Variants in HMGXB3 observed in about 807,000 individuals in gnomAD.
HMGXB3 encodes the protein HMG-box containing 3.
HMGXB3 carries 45 observed loss-of-function variants against 121.5 expected under a neutral mutation model. The ratio of observed to expected loss-of-function variants is 0.37; its 90% CI spans 0.29 to 0.47. HMGXB3 has a LOEUF of 0.47. Ranked by LOEUF, HMGXB3 falls within the 20% of genes least tolerant of loss-of-function variation. The pLI, the probability that HMGXB3 is intolerant of heterozygous loss-of-function variation, is 0.99. For missense variants in HMGXB3, 1,376 were observed against 1,602.2 expected (o/e 0.86, Z 2.41); for synonymous variants, 590 against 624.1 (o/e 0.95, Z 0.81).
In HMGXB3 at chr5:150,040,864, G is replaced by T. The variant is rs1242876945; in HGVS notation, c.2530G>T (p.Val844Leu). The T allele has an allele frequency of 1.3e-6, 2 of 1,549,300 alleles. No homozygotes were observed. Among genetic ancestry groups the T allele is most frequent in the Admixed American group, 2.0e-5 (1 of 50,576 alleles). The change falls in exon 14 of 20, where the codon GTG becomes TTG. Residue 844 changes from valine (V) to leucine (L), a missense_variant. Val to Leu is a conservative substitution (Grantham distance 32). Transcript: ENST00000502717. Reference protein sequence around the residue: ...RVSINVVLKSVQEQTEKTLTS... With the variant: ...RVSINVVLKSLQEQTEKTLTS... ...GTCCATCAATGTTGTTCTGAAGTCG[G>T]TGCAGGAGCAGACAGGTAAAAGTTG...
intron 5 of HMGXB3, among the ~76,000 whole-genome samples, chr5:150,016,393 G>A (rs1581250452): frequency 6.8e-6 from 1 of 147,268 alleles, no homozygotes; most frequent in African/African-American, 2.5e-5. Flanking sequence ...TTGTAGATTT[G>A]TCTGTTTCTT....
rs1056621335 is a variant in HMGXB3, at chr5:150,052,467, G to A, written c.*275G>A. 60 of 434,380 alleles carry A rather than the reference G, an allele frequency of 1.4e-4. No homozygotes were observed. The highest frequency in any genetic ancestry group is 4.6e-5 in the Non-Finnish European group (11 of 238,872). 26.9% of individuals were successfully genotyped at this position (434,380 alleles called of 1,614,324 possible). ...TATGTTTAATGGAGGGGAGGCTGAG[G>A]GAAAGGCTCGTAGCTGGTGGGTTCC... On this transcript the variant is annotated 3_prime_UTR_variant, in exon 20 of 20. Transcript: ENST00000502717.
intron 9 of HMGXB3, among the ~76,000 whole-genome samples, chr5:150,028,578 T>C (rs1463539705): frequency 1.5e-4 from 18 of 117,850 alleles, no homozygotes; most frequent in Admixed American, 3.6e-4. Flanking sequence ...TTTTTTTTTT[T>C]CCTCCAGAAA....
chr5:150,010,007 GA>G (rs943098696), intron 3 of HMGXB3, 103 bp from the exon 4 acceptor site: 164 of 1,247,602 alleles, frequency 1.3e-4, no homozygotes, highest in South Asian at 2.1e-4. Context: ...CCTTTTGCAG[GA>G]AAAAAAAAGA....
rs1756972836 is a variant in HMGXB3, at chr5:150,052,966, A to G, written c.*774A>G. 1 of 155,296 alleles carries G rather than the reference A, an allele frequency of 6.4e-6. No homozygotes were observed. The highest frequency in any genetic ancestry group is 2.4e-5 in the African/African-American group (1 of 41,470). 9.6% of individuals were successfully genotyped at this position (155,296 alleles called of 1,614,324 possible). ...GCAGCAGTAGGAAAAACTCCCTTCT[A>G]TGAAGGGGAAGCAGACTGGGCCATA... On this transcript the variant is annotated 3_prime_UTR_variant, in exon 20 of 20. Coordinates refer to ENST00000502717, the MANE Select transcript of HMGXB3 (RefSeq NM_014983.3).
At chr5:150,046,749 T>C (rs1413163631) in intron 16 of HMGXB3, among the ~76,000 whole-genome samples, 1 of 151,704 alleles carries the variant, frequency 6.6e-6, no homozygotes, top group Admixed American at 6.6e-5. Flanking sequence ...GAGGCGGAGA[T>C]TGCAGTGAGC....
At chr5:150,012,222 C>A (rs1212170706) in intron 4 of HMGXB3, 33 bp from the exon 5 acceptor site, 19 of 1,464,626 alleles carry the variant, frequency 1.3e-5, no homozygotes, top group Non-Finnish European at 1.6e-5. Context: ...TACTCTGTTT[C>A]AGTGAAACTG....
At chr5:150,033,175 G>C (rs1397535158) in intron 11 of HMGXB3, among the ~76,000 whole-genome samples, 2 of 152,088 alleles carry the variant, frequency 1.3e-5, no homozygotes, top group Non-Finnish European at 2.9e-5. Flanking sequence ...GGAAAAATGG[G>C]CATTTTCAGA....
At chr5:150,028,622 A>G (rs1241780695) in intron 9 of HMGXB3, among the ~76,000 whole-genome samples, 2 of 139,514 alleles carry the variant, frequency 1.4e-5, no homozygotes, top group African/African-American at 2.7e-5. Flanking sequence ...GCCGGAGTGC[A>G]GTGGTGCAAT....
intron 18 of HMGXB3, among the ~76,000 whole-genome samples, chr5:150,049,766 T>C (rs1756847645): frequency 6.6e-6 from 1 of 152,138 alleles, no homozygotes; most frequent in South Asian, 2.1e-4. Flanking sequence ...TGGAGGTGTT[T>C]ACTAGGCTAC....
At chr5:150,048,208 T>C (rs1756805971) in intron 17 of HMGXB3, among the ~76,000 whole-genome samples, 1 of 152,254 alleles carries the variant, frequency 6.6e-6, no homozygotes, top group African/African-American at 2.4e-5. Flanking sequence ...TCATACATTA[T>C]TTACTTTCCC....
chr5:150,023,364 G>A (rs1368143859), intron 6 of HMGXB3, among the ~76,000 whole-genome samples: 1 of 152,044 alleles, frequency 6.6e-6, no homozygotes, highest in South Asian at 2.1e-4. Flanking sequence ...TTTCATAAGG[G>A]GAAATGAGGA....
In HMGXB3 at chr5:150,012,655, A is replaced by G. The variant is rs568603043; in HGVS notation, c.909+302A>G. Among the ~76,000 whole-genome samples the G allele has an allele frequency of 2.0e-5, 3 of 152,338 alleles. No individual in the cohort carries two copies. The East Asian group carries it at 5.8e-4, about 29-fold the overall frequency. ...TGACTTTTATAAAATTTTCGTAAGC[A>G]TACATGATTTAGGAAAATGAGCAGC... On this transcript the variant is annotated intron_variant, in intron 5 of 19. Transcript: ENST00000502717.
At chr5:150,016,178 C>T (rs1395438880) in intron 5 of HMGXB3, among the ~76,000 whole-genome samples, 1 of 151,900 alleles carries the variant, frequency 6.6e-6, no homozygotes, top group Non-Finnish European at 1.5e-5. Context: ...GACCCCGTCT[C>T]TACAAAAAGC....
chr5:150,003,848 A>G (rs898868518), intron 1 of HMGXB3, among the ~76,000 whole-genome samples: 5 of 151,752 alleles, frequency 3.3e-5, no homozygotes, highest in Non-Finnish European at 7.4e-5. Context: ...CCAGCTACTC[A>G]GGAGGCTGAG....
At chr5:150,010,029 A>C in intron 3 of HMGXB3, 82 bp from the exon 4 acceptor site, 58 of 1,317,650 alleles carry the variant, frequency 4.4e-5, no homozygotes, top group Non-Finnish European at 5.2e-5. Flanking sequence ...ACTTACACAT[A>C]TATATATATC....
chr5:150,024,116 C>A, intron 6 of HMGXB3, 146 bp from the exon 7 acceptor site: 1 of 685,860 alleles, frequency 1.5e-6, no homozygotes, highest in Non-Finnish European at 2.3e-6. Flanking sequence ...GCTAGTTTTA[C>A]ACTTGAGATC....
Position 150,037,430 on chromosome 5 carries a change from G to A in HMGXB3, c.2316G>A (p.Leu772=). Reference sequence around the variant, plus strand: ...TGGCTGGGCCCCAGGAGTGCTGGCTGCTGACAGCCAGCCGTCTGCAGACAG... The same window carrying A: ...TGGCTGGGCCCCAGGAGTGCTGGCTACTGACAGCCAGCCGTCTGCAGACAG... ...NSLAGPQECW[L]LTASRLQTVT... The change falls in exon 13 of 20, where the codon CTG becomes CTA. Residue 772 remains leucine, a synonymous_variant. Transcript: ENST00000502717. 6.4e-7 allele frequency: 1 copy of A among 1,550,772 alleles called. No individual in the cohort carries two copies. Among genetic ancestry groups the A allele is most frequent in the Middle Eastern group, 1.7e-4 (1 of 5,988 alleles).
chr5:150,051,984 A>C lies in HMGXB3; in HGVS notation c.3671A>C (p.Asn1224Thr). 1 of 1,552,208 alleles carries C rather than the reference A, an allele frequency of 6.4e-7. No individual in the cohort carries two copies. Among genetic ancestry groups the C allele is most frequent in the Non-Finnish European group, 8.7e-7 (1 of 1,147,112 alleles). The change falls in exon 20 of 20, where the codon AAT becomes ACT. Residue 1224 changes from asparagine (N) to threonine (T), a missense_variant. Coordinates refer to ENST00000502717, the MANE Select transcript of HMGXB3 (RefSeq NM_014983.3). Reference protein sequence around the residue: ...GVRQRPIAFDNATHYYLYNRL... With the variant: ...GVRQRPIAFDTATHYYLYNRL... ...CGCCAGCGGCCCATTGCCTTCGACA[A>C]TGCCACTCACTATTACCTCTACAAC... is the stretch of plus-strand genomic sequence containing the variant.
Sources: allele counts gnomAD v4.1 joint callset (sites outside exome capture counted in the v4.1 genomes callset), GRCh38; gene constraint gnomAD v4.1.1; transcripts MANE v1.5; gene names NCBI Gene and HGNC (gene_info 2026-07-23, HGNC 2026-07-21).